HOOK1: variants seen among roughly 807,000 people sequenced by gnomAD.
HOOK1 encodes protein Hook homolog 1.
Under a neutral mutation model 112.8 loss-of-function variants are expected in HOOK1, and 60 were observed. The observed-to-expected ratio is 0.53, with a 90% CI of 0.43 to 0.66. The LOEUF is 0.66. Among genes scored for constraint, HOOK1 ranks in the 30% least tolerant of loss-of-function variants. The pLI, the probability that HOOK1 is intolerant of heterozygous loss-of-function variation, is 0.00. For synonymous variants in HOOK1, 294 were observed against 283.8 expected (o/e 1.04, Z -0.36); for missense variants, 770 against 856.0 (o/e 0.90, Z 1.25).
rs565318582 is a variant in HOOK1 at position 59,858,173 on chromosome 1, G to A, written c.1243-255G>A. Among the ~76,000 whole-genome samples, 6 of 152,216 alleles carry A rather than the reference G, an allele frequency of 3.9e-5. No homozygotes were observed. The East Asian group carries it at 5.8e-4, about 15-fold the overall frequency. ...CAAAGTCCATGCTTTTTTATTACCCGTTGCATATCTGTCCTCTGTTACATA... is the reference window on the plus strand; with the variant it reads ...CAAAGTCCATGCTTTTTTATTACCCATTGCATATCTGTCCTCTGTTACATA... On this transcript the variant is annotated intron_variant, in intron 12 of 21. Coordinates refer to ENST00000371208, the MANE Select transcript of HOOK1 (RefSeq NM_015888.6).
chr1:59,863,191 A>T (rs1574222408), intron 16 of HOOK1, among the ~76,000 whole-genome samples: 1 of 152,292 alleles, frequency 6.6e-6, no homozygotes, highest in South Asian at 2.1e-4. Context: ...TTGAGAGCAT[A>T]CTACAATTGA....
chr1:59,827,841 G>T (rs1457000528), intron 2 of HOOK1, among the ~76,000 whole-genome samples: 1 of 151,928 alleles, frequency 6.6e-6, no homozygotes, highest in Non-Finnish European at 1.5e-5. Flanking sequence ...CCTTGGAAAA[G>T]AAGCTCTTTA....
At chr1:59,858,613 C>CCT in intron 13 of HOOK1, 98 bp downstream of exon 13, 3 of 787,284 alleles carry the variant, frequency 3.8e-6, no homozygotes, top group Non-Finnish European at 6.7e-6. Context: ...GTGGCGCATG[C>CCT]CTATAGTCCT....
intron 1 of HOOK1, among the ~76,000 whole-genome samples, chr1:59,817,915 G>A (rs1320547558): frequency 6.6e-6 from 1 of 152,180 alleles, no homozygotes; most frequent in East Asian, 1.9e-4. Flanking sequence ...CTGTCCCTAG[G>A]AGAACACTGA....
intron 7 of HOOK1, among the ~76,000 whole-genome samples, chr1:59,837,610 T>G (rs2098398578): frequency 1.3e-5 from 2 of 152,152 alleles, no homozygotes; most frequent in Admixed American, 1.3e-4. Flanking sequence ...CTTGTAAAAA[T>G]ATTTTGCAGG....
intron 14 of HOOK1, among the ~76,000 whole-genome samples, chr1:59,859,654 T>A (rs543506003): frequency 3.9e-5 from 6 of 152,020 alleles, no homozygotes; most frequent in African/African-American, 1.4e-4. Flanking sequence ...ATCAATAATA[T>A]TAATAAAAAG....
At position 59,833,962 on chromosome 1, in the gene HOOK1, A is replaced by G. The variant is rs571215711; in HGVS notation, c.406+425A>G. On this transcript the variant is annotated intron_variant, in intron 5 of 21. Coordinates refer to ENST00000371208, the MANE Select transcript of HOOK1 (RefSeq NM_015888.6). ...ATAATATTCTGCTCCATTCAGAAGC[A>G]TATCTGTCCAATATATCCTCCAGAT... Among the ~76,000 whole-genome samples the G allele has an allele frequency of 4.6e-5, 7 of 152,336 alleles. No individual in the cohort carries two copies. The South Asian group carries it at 1.2e-3, about 27-fold the overall frequency.
intron 2 of HOOK1, among the ~76,000 whole-genome samples, chr1:59,822,984 G>T (rs2098386720): frequency 6.6e-6 from 1 of 152,126 alleles, no homozygotes; most frequent in African/African-American, 2.4e-5. Flanking sequence ...GACAGTTATT[G>T]TAAAACATAC....
At chr1:59,817,097 C>G (rs1377139944) in intron 1 of HOOK1, among the ~76,000 whole-genome samples, 2 of 152,190 alleles carry the variant, frequency 1.3e-5, no homozygotes, top group Non-Finnish European at 2.9e-5. Flanking sequence ...TGTTCCCTTT[C>G]TGTATTTACA....
intron 13 of HOOK1, 41 bp downstream of exon 13, chr1:59,858,556 C>T: frequency 8.1e-7 from 1 of 1,238,404 alleles, no homozygotes; most frequent in Non-Finnish European, 1.2e-6. Context: ...GCCTGGGCAG[C>T]ATAGTGGGAC....
rs372944639 is a variant in HOOK1 at position 59,836,849 on chromosome 1, A to C, written c.475-24A>C. On this transcript the variant is annotated intron_variant, in intron 6 of 21. Coordinates refer to ENST00000371208, the MANE Select transcript of HOOK1 (RefSeq NM_015888.6). ...TCATAAACATCACATTGTTATACTT[A>C]ATTTTATTATTTTAATTTCCTAGTT... 9.5e-5 allele frequency: 123 copies of C among 1,298,480 alleles called. No individual in the cohort carries two copies. The African/African-American group carries it at 1.6e-3, about 17-fold the overall frequency. The allele number at this position is 1,298,480 out of a possible 1,614,324, so 80.4% of individuals were successfully genotyped here.
At chr1:59,816,757 A>T (rs932221698) in intron 1 of HOOK1, among the ~76,000 whole-genome samples, 1 of 152,192 alleles carries the variant, frequency 6.6e-6, no homozygotes, top group Non-Finnish European at 1.5e-5. Context: ...TTGTAAACCA[A>T]ATGATAAGGA....
At chr1:59,852,082 A>G (rs1472896388) in intron 12 of HOOK1, among the ~76,000 whole-genome samples, 1 of 151,674 alleles carries the variant, frequency 6.6e-6, no homozygotes, top group African/African-American at 2.4e-5. Flanking sequence ...TATTTCATTG[A>G]AGATTTTTCC....
chr1:59,868,495 C>A, intron 20 of HOOK1, 144 bp downstream of exon 20: 1 of 649,716 alleles, frequency 1.5e-6, no homozygotes, highest in South Asian at 1.8e-5. Context: ...TATTACAAAG[C>A]ATCTCACTGG....
chr1:59,826,021 A>G (rs1417079256), intron 2 of HOOK1, among the ~76,000 whole-genome samples: 2 of 152,202 alleles, frequency 1.3e-5, no homozygotes, highest in East Asian at 3.8e-4. Flanking sequence ...TGGATATTTC[A>G]AGAAGAATAG....
At chr1:59,833,661 G>A (rs1425845039) in intron 5 of HOOK1, 124 bp downstream of exon 5, 3 of 765,806 alleles carry the variant, frequency 3.9e-6, no homozygotes, top group Middle Eastern at 3.2e-4. Context: ...TAAACCAGAA[G>A]ATCTGAATTC....
In HOOK1 at chr1:59,816,943, C is replaced by T. The variant is rs550557925; in HGVS notation, c.63+1763C>T. Among the ~76,000 whole-genome samples, 6 of 152,320 alleles carry T rather than the reference C, an allele frequency of 3.9e-5. No homozygotes were observed. In the East Asian group the frequency reaches 1.2e-3, roughly 29 times the overall value. On this transcript the variant is annotated intron_variant, in intron 1 of 21. Coordinates refer to ENST00000371208, the MANE Select transcript of HOOK1 (RefSeq NM_015888.6). The stretch of plus-strand genomic sequence containing the variant: ...TTAAGAATAACCAGACAGTTTCTCT[C>T]ACATTCCTCTTAGCAAACCTTTATC...
chr1:59,816,777 A>G (rs1335880792), intron 1 of HOOK1, among the ~76,000 whole-genome samples: 1 of 152,214 alleles, frequency 6.6e-6, no homozygotes, highest in Non-Finnish European at 1.5e-5. Flanking sequence ...AATCACAGAT[A>G]ACAGAGTAAA....
intron 11 of HOOK1, among the ~76,000 whole-genome samples, 155 bp downstream of exon 11, chr1:59,848,671 A>G (rs1362351019): frequency 6.6e-6 from 1 of 151,532 alleles, no homozygotes; most frequent in Non-Finnish European, 1.5e-5. Context: ...TTTTAATTCA[A>G]GGATTGATAA....
Sources: allele counts gnomAD v4.1 joint callset (sites outside exome capture counted in the v4.1 genomes callset), GRCh38; gene constraint gnomAD v4.1.1; transcripts MANE v1.5; gene names NCBI Gene and HGNC (gene_info 2026-07-23, HGNC 2026-07-21).